Variants in BCAS3 observed in about 807,000 individuals in gnomAD.
BCAS3 encodes the protein BCAS3 microtubule associated cell migration factor, also known as BCAS4/BCAS3 fusion.
BCAS3 carries 53 observed loss-of-function variants against 116.1 expected under a neutral mutation model. That is an observed-to-expected ratio of 0.46 (90% CI 0.37 to 0.57). The LOEUF (loss-of-function observed/expected upper bound fraction) is 0.57. BCAS3 is among the 20% of genes least tolerant of loss of function. The pLI is 0.00. For missense variants in BCAS3, 917 were observed against 1,165.4 expected, an observed-to-expected ratio of 0.79 and a Z score of 3.10; for synonymous variants, 391 against 408.2, an observed-to-expected ratio of 0.96 and a Z score of 0.51.
chr17:60,819,199 G>A (rs550297757), intron 7 of BCAS3, among the ~76,000 whole-genome samples: 1 of 152,216 alleles, frequency 6.6e-6, no homozygotes, highest in South Asian at 2.1e-4. Context: ...ATTACTTAAA[G>A]CAAATTTTTA....
chr17:60,855,509 C>A lies in BCAS3; in HGVS notation c.477-13067C>A, dbSNP rs192464492. 1.3e-3 allele frequency among the ~76,000 whole-genome samples: 187 copies of A among 142,426 alleles called. 1 individual carries two copies. The highest frequency in any genetic ancestry group is 1.6e-3 in the Non-Finnish European group (104 of 66,778). 93.4% of individuals were successfully genotyped at this position (142,426 alleles called of 152,430 possible). The stretch of plus-strand genomic sequence containing the variant: ...TTGCTCTGTCGCCCAGGCTGGAGTG[C>A]AGTGGTGAGATCTCGGCTCACTGCA... On this transcript the variant is annotated intron_variant, in intron 7 of 23. Coordinates refer to ENST00000407086, the MANE Select transcript of BCAS3 (RefSeq NM_017679.5).
chr17:60,782,827 A>T (rs2045950661), intron 6 of BCAS3, among the ~76,000 whole-genome samples: 1 of 151,930 alleles, frequency 6.6e-6, no homozygotes, highest in African/African-American at 2.4e-5. Context: ...ACCTCAGGTG[A>T]TCTGCCTGGC....
intron 6 of BCAS3, among the ~76,000 whole-genome samples, chr17:60,803,804 T>G (rs955265206): frequency 6.2e-5 from 9 of 145,026 alleles, no homozygotes; most frequent in Non-Finnish European, 1.4e-4. Flanking sequence ...CGATTTTTTT[T>G]TTTTTTTTTT....
chr17:61,193,779 A>C (rs1226648623), intron 22 of BCAS3, among the ~76,000 whole-genome samples: 3 of 147,644 alleles, frequency 2.0e-5, no homozygotes, highest in Non-Finnish European at 4.4e-5. Context: ...AAAAAAAAAA[A>C]AAAAAAGATT....
At chr17:61,170,353 T>C (rs1401779472) in intron 22 of BCAS3, among the ~76,000 whole-genome samples, 1 of 151,976 alleles carries the variant, frequency 6.6e-6, no homozygotes, top group African/African-American at 2.4e-5. Context: ...AGTGCAGTGG[T>C]GCGACCTTGG....
Position 61,325,270 on chromosome 17 carries a change from A to G in BCAS3, c.2426-43057A>G, listed in dbSNP as rs1333856909. 6.6e-6 allele frequency among the ~76,000 whole-genome samples: 1 copy of G among 152,226 alleles called. No homozygotes were observed. Among genetic ancestry groups the G allele is most frequent in the Non-Finnish European group, 1.5e-5 (1 of 68,038 alleles). ...ATAGAGACCATTGCAAGTAACTAAC[A>G]ACCGTACAAATAGCGCCCTGACCTT... On this transcript the variant is annotated intron_variant, in intron 22 of 23. Transcript: ENST00000407086. This position sits in a 1 kb window ranked among gnomAD's most constrained non-coding sequence, Gnocchi z 6.4.
intron 6 of BCAS3, among the ~76,000 whole-genome samples, chr17:60,780,209 C>T (rs977609814): frequency 4.9e-4 from 74 of 151,590 alleles, no homozygotes; most frequent in African/African-American, 1.7e-3. Flanking sequence ...AAGCTGGTCT[C>T]AAACTCCTGA....
intron 22 of BCAS3, among the ~76,000 whole-genome samples, chr17:61,329,785 C>T (rs2056104631): frequency 9.4e-6 from 1 of 106,628 alleles, no homozygotes; most frequent in Non-Finnish European, 2.4e-5. Flanking sequence ...CGTTCGTCCT[C>T]GGCGCTCACC....
At chr17:60,814,889 T>TTTTAGTTTTTGTTTGGTGATAAGG (rs2049225253) in intron 7 of BCAS3, among the ~76,000 whole-genome samples, 1 of 152,160 alleles carries the variant, frequency 6.6e-6, no homozygotes, top group Non-Finnish European at 1.5e-5. Context: ...TCCTGTGCCT[T>TTTTAGTTTTTGTTTGGTGATAAGG]CTAGATTCCT....
intron 22 of BCAS3, among the ~76,000 whole-genome samples, chr17:61,252,389 C>T (rs149341946): frequency 2.6e-4 from 40 of 152,162 alleles, no homozygotes; most frequent in South Asian, 1.0e-3. Context: ...CTTGTTCAGC[C>T]CCCCCAGTTC....
chr17:60,820,626 T>A (rs773954645), intron 7 of BCAS3, among the ~76,000 whole-genome samples: 1 of 152,184 alleles, frequency 6.6e-6, no homozygotes, highest in African/African-American at 2.4e-5. Context: ...AATTAGAACA[T>A]TTAAAAGTTG....
chr17:60,796,529 C>T (rs1030249729), intron 6 of BCAS3, among the ~76,000 whole-genome samples: 2 of 152,112 alleles, frequency 1.3e-5, no homozygotes, highest in Non-Finnish European at 2.9e-5. Context: ...TCATAGTAGT[C>T]TTGGATGATC....
At chr17:61,236,887 A>G (rs965507530) in intron 22 of BCAS3, among the ~76,000 whole-genome samples, 1 of 152,098 alleles carries the variant, frequency 6.6e-6, no homozygotes, top group African/African-American at 2.4e-5. Context: ...CAAAGGAAAA[A>G]TTGGAGGCAG....
chr17:61,385,841 G>A (rs575052332), intron 23 of BCAS3, among the ~76,000 whole-genome samples: 35 of 152,330 alleles, frequency 2.3e-4, no homozygotes, highest in South Asian at 1.7e-3. Flanking sequence ...GCAAAGAGGC[G>A]AGGAGGGAAA....
At chr17:60,997,968 A>G (rs1182478129) in intron 15 of BCAS3, among the ~76,000 whole-genome samples, 1 of 152,176 alleles carries the variant, frequency 6.6e-6, no homozygotes, top group African/African-American at 2.4e-5. Context: ...CATAGTACCC[A>G]ACTGGTGGTT....
At chr17:60,811,885 CA>C (rs199818536) in intron 7 of BCAS3, among the ~76,000 whole-genome samples, 3 of 151,170 alleles carry the variant, frequency 2.0e-5, no homozygotes, top group African/African-American at 4.9e-5. Context: ...CTGTCTCTAC[CA>C]AAAAAAATAC....
At position 61,381,469 on chromosome 17, in the gene BCAS3, C is replaced by T. The variant is rs2059603084; in HGVS notation, c.2594-10508C>T. ...GGGCTTGAGACACAGGCTGGGACCC[C>T]AAAGAGGGCAACAGAGGCCGTGCCC... On this transcript the variant is annotated intron_variant, in intron 23 of 23. Coordinates refer to ENST00000407086, the MANE Select transcript of BCAS3 (RefSeq NM_017679.5). The surrounding 1 kb of genome is among the most constrained non-coding windows in gnomAD (Gnocchi z 6.0). Among the ~76,000 whole-genome samples the T allele has an allele frequency of 1.3e-5, 2 of 152,130 alleles. No individual in the cohort carries two copies.
Position 61,078,485 on chromosome 17 carries a change from T to C in BCAS3, c.2283T>C (p.Pro761=), listed in dbSNP as rs769914294. The C allele has an allele frequency of 6.2e-7, 1 of 1,614,156 alleles. No homozygotes were observed. Among genetic ancestry groups the C allele is most frequent in the East Asian group, 2.2e-5 (1 of 44,884 alleles). ...QSHGPSDTPQ[P]LLDFDTDDLD... ...ATGGTCCGAGTGACACGCCACAGCC[T>C]CTTTTGGATTTTGATACAGATGATC... The change falls in exon 21 of 24, where the codon CCT becomes CCC. Residue 761 remains proline (P), a synonymous_variant. Transcript: ENST00000407086.
chr17:61,025,449 A>G (rs1464069107), intron 16 of BCAS3, among the ~76,000 whole-genome samples: 5 of 152,118 alleles, frequency 3.3e-5, no homozygotes, highest in Admixed American at 1.3e-4. Context: ...CATAATCTCA[A>G]CATTAATGTT....
Sources: allele counts gnomAD v4.1 joint callset (sites outside exome capture counted in the v4.1 genomes callset), GRCh38; gene constraint gnomAD v4.1.1; non-coding constraint Gnocchi (gnomAD v3.1); transcripts MANE v1.5; gene names NCBI Gene and HGNC (gene_info 2026-07-23, HGNC 2026-07-21).